Variants in COL22A1 observed in about 807,000 individuals in gnomAD.
The protein encoded by COL22A1 is collagen alpha-1(XXII) chain.
In COL22A1, 221 loss-of-function variants were observed where a neutral mutation model predicts 248.9. The observed-to-expected ratio is 0.89, with a 90% confidence interval of 0.80 to 0.99. COL22A1 has a LOEUF of 0.99. Among genes scored for constraint, COL22A1 ranks in the 50% least tolerant of loss-of-function variants. The probability of loss-of-function intolerance (pLI) is 0.00; values close to 1 mark genes in which losing one functional copy is unlikely to be tolerated. For missense variants in COL22A1, 2,240 were observed against 2,179.0 expected, an observed-to-expected ratio of 1.03 and a Z score of -0.56; for synonymous variants, 891 against 793.4, an observed-to-expected ratio of 1.12 and a Z score of -2.07.
Position 138,623,738 on chromosome 8 carries a change from T to A in COL22A1, c.3765A>T (p.Gly1255=), listed in dbSNP as rs926093476. 4 of 1,612,316 alleles carry A rather than the reference T, an allele frequency of 2.5e-6. No homozygotes were observed. Among genetic ancestry groups the A allele is most frequent in the South Asian group, 1.1e-5 (1 of 90,822 alleles). Residue 1255 remains glycine, a synonymous_variant, in exon 52 of 65, where the codon GGA becomes GGT. Transcript: ENST00000303045. ...EGRDGKPGPP[G]EPGKAGEPGL... is the part of the protein sequence containing the mutation. Reference sequence around the variant, plus strand: ...GAAGTTTAGAGTCCTTTACCGGCTCTCCAGGGGGACCCGGCTTTCCATCTC... The same window carrying A: ...GAAGTTTAGAGTCCTTTACCGGCTCACCAGGGGGACCCGGCTTTCCATCTC...
intron 6 of COL22A1, among the ~76,000 whole-genome samples, chr8:138,823,964 C>T (rs1204072578): frequency 6.6e-6 from 1 of 152,188 alleles, no homozygotes; most frequent in Non-Finnish European, 1.5e-5. Flanking sequence ...GGGGGATCAG[C>T]TACGTATTCA....
At chr8:138,604,891 C>G in intron 58 of COL22A1, 122 bp from the exon 59 acceptor site, 1 of 910,072 alleles carries the variant, frequency 1.1e-6, no homozygotes, top group Non-Finnish European at 1.8e-6. Context: ...AATCGATGGT[C>G]TACCTGGCCA....
At chr8:138,813,899 G>C (rs956216293) in intron 7 of COL22A1, among the ~76,000 whole-genome samples, 2 of 152,144 alleles carry the variant, frequency 1.3e-5, no homozygotes, top group East Asian at 1.9e-4. Flanking sequence ...ACCTCTCCAG[G>C]CATTTCCACA....
At chr8:138,724,105 G>A (rs948403015) in intron 25 of COL22A1, among the ~76,000 whole-genome samples, 1 of 152,160 alleles carries the variant, frequency 6.6e-6, no homozygotes, top group Non-Finnish European at 1.5e-5. Context: ...CTAAAGAGCT[G>A]CAAGCCAACT....
intron 23 of COL22A1, among the ~76,000 whole-genome samples, chr8:138,736,239 T>C (rs1831102607): frequency 6.6e-6 from 1 of 151,788 alleles, no homozygotes; most frequent in African/African-American, 2.4e-5. Context: ...ATGAACTTAC[T>C]GATGCCAGGG....
intron 47 of COL22A1, among the ~76,000 whole-genome samples, chr8:138,639,291 T>C (rs1217737823): frequency 1.3e-5 from 2 of 152,276 alleles, no homozygotes; most frequent in African/African-American, 4.8e-5. Flanking sequence ...TGTCTGATGA[T>C]CAAATATCCA....
intron 3 of COL22A1, 61 bp downstream of exon 3, chr8:138,877,689 C>G: frequency 1.4e-6 from 2 of 1,475,688 alleles, no homozygotes; most frequent in Middle Eastern, 2.1e-4. Context: ...GGACCCCTCC[C>G]GTGGGCTCAG....
chr8:138,814,683 C>A (rs371589654), intron 7 of COL22A1, among the ~76,000 whole-genome samples: 38 of 152,270 alleles, frequency 2.5e-4, no homozygotes, highest in African/African-American at 9.1e-4. Flanking sequence ...AGCTTGAGGG[C>A]AGCCCAGTGA....
chr8:138,807,634 C>T, intron 10 of COL22A1, 134 bp downstream of exon 10: 1 of 765,672 alleles, frequency 1.3e-6, no homozygotes, highest in Non-Finnish European at 2.2e-6. Context: ...TGCTCTTATC[C>T]ATCTAATTTA....
chr8:138,826,811 G>C, intron 5 of COL22A1, 30 bp from the exon 6 acceptor site: 2 of 1,612,342 alleles, frequency 1.2e-6, no homozygotes, highest in South Asian at 1.1e-5. Context: ...AAGACACCAG[G>C]CTTGGCGATG....
At chr8:138,655,748 G>A (rs1823191598) in intron 45 of COL22A1, 149 bp downstream of exon 45, 3 of 751,512 alleles carry the variant, frequency 4.0e-6, no homozygotes, top group South Asian at 1.5e-5. Context: ...CACATCACCA[G>A]CCACATGCTG....
At chr8:138,849,269 G>T (rs1821460982) in intron 3 of COL22A1, among the ~76,000 whole-genome samples, 1 of 152,234 alleles carries the variant, frequency 6.6e-6, no homozygotes, top group Non-Finnish European at 1.5e-5. Flanking sequence ...TCTGCTGGAA[G>T]GATGTAGTTA....
At chr8:138,867,830 G>C (rs559579845) in intron 3 of COL22A1, among the ~76,000 whole-genome samples, 51 of 152,278 alleles carry the variant, frequency 3.3e-4, no homozygotes, top group Non-Finnish European at 5.6e-4. Flanking sequence ...TCAGTGGCAC[G>C]ATCTCGGCTC....
At chr8:138,695,491 G>C (rs945665377) in intron 32 of COL22A1, among the ~76,000 whole-genome samples, 1 of 151,958 alleles carries the variant, frequency 6.6e-6, no homozygotes, top group Non-Finnish European at 1.5e-5. Context: ...CCTCACCATC[G>C]TGCCTGGCTC....
chr8:138,691,280 T>G (rs545004035), intron 35 of COL22A1, among the ~76,000 whole-genome samples: 4 of 152,328 alleles, frequency 2.6e-5, no homozygotes, highest in South Asian at 4.1e-4. Context: ...CAGTTGCATA[T>G]GTATGTGTAT....
intron 44 of COL22A1, among the ~76,000 whole-genome samples, chr8:138,660,098 G>A (rs1439936947): frequency 6.6e-6 from 1 of 152,004 alleles, no homozygotes; most frequent in Admixed American, 6.6e-5. Context: ...CCCAACTCGA[G>A]GCACTGTTAG....
intron 56 of COL22A1, among the ~76,000 whole-genome samples, chr8:138,611,998 CA>C (rs1818900822): frequency 6.6e-6 from 1 of 152,220 alleles, no homozygotes; most frequent in Non-Finnish European, 1.5e-5. Context: ...ATTACTCATT[CA>C]AAAAACACAC....
intron 10 of COL22A1, among the ~76,000 whole-genome samples, chr8:138,803,807 T>A (rs908656950): frequency 6.6e-6 from 1 of 152,226 alleles, no homozygotes; most frequent in Non-Finnish European, 1.5e-5. Context: ...CTTTTGTCTT[T>A]GTTCTTGATC....
intron 1 of COL22A1, among the ~76,000 whole-genome samples, chr8:138,901,369 G>GTTTTTTTTTTTTTTTTTTTT (rs1396582556): frequency 8.4e-6 from 1 of 118,772 alleles, no homozygotes; most frequent in African/African-American, 3.1e-5. Flanking sequence ...TTTTTTTTTT[G>GTTTTTTTTTTTTTTTTTTTT]TTTTTTTTTT....
Sources: allele counts gnomAD v4.1 joint callset (sites outside exome capture counted in the v4.1 genomes callset), GRCh38; gene constraint gnomAD v4.1.1; transcripts MANE v1.5; gene names NCBI Gene and HGNC (gene_info 2026-07-23, HGNC 2026-07-21).